Variants in CFTR observed in about 807,000 individuals in gnomAD.
The protein encoded by CFTR is CF transmembrane conductance regulator, also known as cystic fibrosis transmembrane conductance regulator.
In CFTR, 181 loss-of-function variants were observed where a neutral mutation model predicts 171.6. That is an observed-to-expected ratio of 1.05 (90% CI 0.93 to 1.19). The LOEUF is 1.19. Ranked by LOEUF, CFTR falls within the 50% of genes most tolerant of loss-of-function variation. CFTR has a pLI of 0.00. For missense variants in CFTR, 1,968 were observed against 1,734.7 expected (o/e 1.13, Z -2.39); for synonymous variants, 583 against 608.0 (o/e 0.96, Z 0.60).
chr7:117,485,622 G>A (rs1798063288), intron 1 of CFTR, among the ~76,000 whole-genome samples: 1 of 152,086 alleles, frequency 6.6e-6, no homozygotes, highest in South Asian at 2.1e-4. Flanking sequence ...TTAGCAAGAA[G>A]CTTGTAAAAA....
In CFTR at chr7:117,627,627, A is replaced by T. The variant is rs1792672546; in HGVS notation, c.3574A>T (p.Ile1192Phe). The change falls in exon 22 of 27, where the codon ATT becomes TTT. Residue 1192 changes from isoleucine (I) to phenylalanine (F), a missense_variant. By Grantham distance (21) the Ile-to-Phe change is conservative. Coordinates refer to ENST00000003084, the MANE Select transcript of CFTR (RefSeq NM_000492.4). The part of the protein sequence containing the change: ...YKNGQLSKVM[I>F]IENSHVKKDD... ...GAATGGCCAACTCTCGAAAGTTATG[A>T]TTATTGAGAATTCACACGTGAAGAA... 1 of 1,613,540 alleles carries T rather than the reference A, an allele frequency of 6.2e-7. No individual in the cohort carries two copies. The highest frequency in any genetic ancestry group is 1.7e-4 in the Middle Eastern group (1 of 6,056).
At chr7:117,614,740 T>A (rs1554392803) in intron 21 of CFTR, 27 bp downstream of exon 21, 1 of 1,508,648 alleles carries the variant, frequency 6.6e-7, no homozygotes, top group South Asian at 1.1e-5. Flanking sequence ...TTTTAACTTT[T>A]ATGAAAAAAA....
In CFTR at chr7:117,610,057, TA is replaced by T. The variant is rs1216191413; in HGVS notation, c.2989-456del. On this transcript the variant is annotated intron_variant, in intron 18 of 26. Transcript: ENST00000003084. Reference sequence around the variant, plus strand: ...TACACCATGGAACACTATGCAGCCATAAAAAATGATGAGTTCATGTCCTTTG... The same window carrying T: ...TACACCATGGAACACTATGCAGCCATAAAAATGATGAGTTCATGTCCTTTG... 4.6e-5 allele frequency among the ~76,000 whole-genome samples: 7 copies of T among 151,686 alleles called. No individual in the cohort carries two copies. In the East Asian group the frequency reaches 1.2e-3, roughly 25 times the overall value.
chr7:117,491,989 A>T (rs1226527167), intron 1 of CFTR, among the ~76,000 whole-genome samples: 1 of 152,068 alleles, frequency 6.6e-6, no homozygotes, highest in East Asian at 1.9e-4. Flanking sequence ...CATAAATAGC[A>T]TGGAGACATT....
intron 20 of CFTR, among the ~76,000 whole-genome samples, chr7:117,612,060 T>TAC (rs1442822308): frequency 1.0e-5 from 1 of 99,714 alleles, no homozygotes; most frequent in Non-Finnish European, 2.2e-5. Context: ...TATACATATA[T>TAC]ATATATAGTA....
chr7:117,524,733 A>G (rs1798745798), intron 3 of CFTR, among the ~76,000 whole-genome samples: 1 of 152,212 alleles, frequency 6.6e-6, no homozygotes, highest in Admixed American at 6.5e-5. Context: ...CTTAGGAGTG[A>G]AAAACAACAC....
At chr7:117,592,946 T>A (rs1792058756) in intron 14 of CFTR, among the ~76,000 whole-genome samples, 1 of 152,236 alleles carries the variant, frequency 6.6e-6, no homozygotes, top group Non-Finnish European at 1.5e-5. Context: ...AAGCATTTGC[T>A]TTATTACCAT....
chr7:117,551,954 T>G (rs925453961), intron 10 of CFTR, among the ~76,000 whole-genome samples: 10 of 152,156 alleles, frequency 6.6e-5, no homozygotes, highest in Non-Finnish European at 1.3e-4. Flanking sequence ...ATGTATAGAA[T>G]AAGCTATTAG....
Position 117,603,646 on chromosome 7 carries a change from C to T in CFTR, c.2772C>T (p.Asp924=), listed in dbSNP as rs1562911610. 1 of 1,614,100 alleles carries T rather than the reference C, an allele frequency of 6.2e-7. No homozygotes were observed. Among genetic ancestry groups the T allele is most frequent in the Non-Finnish European group, 8.5e-7 (1 of 1,179,966 alleles). Residue 924 remains aspartate (D), a synonymous_variant, in exon 17 of 27, where the codon GAC becomes GAT. Coordinates refer to ENST00000003084, the MANE Select transcript of CFTR (RefSeq NM_000492.4). ...YVFYIYVGVA[D]TLLAMGFFRG... ...TTTACATTTACGTGGGAGTAGCCGACACTTTGCTTGCTATGGGATTCTTCA... is the reference window on the plus strand; with the variant it reads ...TTTACATTTACGTGGGAGTAGCCGATACTTTGCTTGCTATGGGATTCTTCA...
chr7:117,515,509 A>G (rs2116649695), intron 3 of CFTR, among the ~76,000 whole-genome samples: 1 of 152,228 alleles, frequency 6.6e-6, no homozygotes, highest in South Asian at 2.1e-4. Flanking sequence ...CCATTGGTCT[A>G]TATGTCTGTT....
At position 117,481,372 on chromosome 7, in the gene CFTR, C is replaced by CT. The variant is rs1014611102; in HGVS notation, c.53+1232dup. ...AATGTTAATTGGCATAAATTATAGACTTTTTTTAGCAGAGAACTTTGAGGA... is the reference window on the plus strand; with the variant it reads ...AATGTTAATTGGCATAAATTATAGACTTTTTTTTAGCAGAGAACTTTGAGGA... On this transcript the variant is annotated intron_variant, in intron 1 of 26. Coordinates refer to ENST00000003084, the MANE Select transcript of CFTR (RefSeq NM_000492.4). 7.9e-5 allele frequency among the ~76,000 whole-genome samples: 12 copies of CT among 152,246 alleles called. 1 individual carries two copies. The highest frequency in any genetic ancestry group is 5.2e-4 in the Admixed American group (8 of 15,286).
rs1554380828 is a variant in CFTR at position 117,536,676 on chromosome 7, A to T, written c.869+3A>T. 1 of 1,609,602 alleles carries T rather than the reference A, an allele frequency of 6.2e-7. No homozygotes were observed. The highest frequency in any genetic ancestry group is 1.7e-5 in the Admixed American group (1 of 59,950). On this transcript the variant is annotated splice_donor_region_variant and intron_variant, in intron 7 of 26. Transcript: ENST00000003084. Reference sequence around the variant, plus strand: ...AAAATGATTGAAAACTTAAGACAGTAAGTTGTTCCAATAATTTCAATATTG... The same window carrying T: ...AAAATGATTGAAAACTTAAGACAGTTAGTTGTTCCAATAATTTCAATATTG...
chr7:117,650,165 C>G (rs1251725765), intron 23 of CFTR, among the ~76,000 whole-genome samples: 1 of 152,116 alleles, frequency 6.6e-6, no homozygotes, highest in Non-Finnish European at 1.5e-5. Context: ...ATGAAATGTT[C>G]TAATTTCTGT....
At position 117,592,529 on chromosome 7, in the gene CFTR, A is replaced by G; in HGVS notation, c.2362A>G (p.Thr788Ala). ...NQGQNIHRKT[T>A]ASTRKVSLAP... ...AGGTCAGAACATTCACCGAAAGACA[A>G]CAGCATCCACACGAAAAGTGTCACT... Residue 788 changes from threonine (T) to alanine (A), a missense_variant, in exon 14 of 27, where the codon ACA becomes GCA. Coordinates refer to ENST00000003084, the MANE Select transcript of CFTR (RefSeq NM_000492.4). 1 of 1,526,530 alleles carries G rather than the reference A, an allele frequency of 6.6e-7. No homozygotes were observed. The highest frequency in any genetic ancestry group is 8.8e-7 in the Non-Finnish European group (1 of 1,139,744). The allele number at this position is 1,526,530 out of a possible 1,614,324, so 94.6% of individuals were successfully genotyped here.
chr7:117,531,968 A>G (rs1255392138), intron 4 of CFTR, among the ~76,000 whole-genome samples: 2 of 152,176 alleles, frequency 1.3e-5, no homozygotes, highest in African/African-American at 2.4e-5. Context: ...ATCTGCCTCT[A>G]GCAAATAACC....
chr7:117,628,323 T>C (rs1792687952), intron 22 of CFTR, among the ~76,000 whole-genome samples: 1 of 152,206 alleles, frequency 6.6e-6, no homozygotes, highest in African/African-American at 2.4e-5. Flanking sequence ...AGCACTGGGC[T>C]GAACACATAG....
intron 12 of CFTR, 52 bp downstream of exon 12, chr7:117,587,885 G>A (rs1791969893): frequency 1.8e-6 from 2 of 1,132,494 alleles, no homozygotes; most frequent in South Asian, 2.5e-5. Flanking sequence ...TGTCATTCAT[G>A]TAAAAAAATT....
chr7:117,607,418 G>A (rs185878355), intron 18 of CFTR, among the ~76,000 whole-genome samples: 11 of 152,244 alleles, frequency 7.2e-5, no homozygotes, highest in Admixed American at 7.2e-4. Flanking sequence ...TGGAGGAGGT[G>A]AAAGTGACCT....
intron 23 of CFTR, among the ~76,000 whole-genome samples, chr7:117,647,965 T>C (rs1793019847): frequency 6.6e-6 from 1 of 150,522 alleles, no homozygotes; most frequent in Non-Finnish European, 1.5e-5. Context: ...GTGATATTTA[T>C]AAGCATTTGG....
Sources: allele counts gnomAD v4.1 joint callset (sites outside exome capture counted in the v4.1 genomes callset), GRCh38; gene constraint gnomAD v4.1.1; transcripts MANE v1.5; gene names NCBI Gene and HGNC (gene_info 2026-07-23, HGNC 2026-07-21).